BCAT2: variants seen among roughly 807,000 people sequenced by gnomAD.
BCAT2 encodes the protein branched-chain-amino-acid aminotransferase, mitochondrial.
In BCAT2, 44 loss-of-function variants were observed where a neutral mutation model predicts 52.9. The ratio of observed to expected loss-of-function variants is 0.83; its 90% confidence interval spans 0.65 to 1.07. The LOEUF (loss-of-function observed/expected upper bound fraction) is 1.07, where lower values mean the gene tolerates loss of function less well. BCAT2 is among the 50% of genes least tolerant of loss of function. The pLI is 0.00. For synonymous variants in BCAT2, 215 were observed against 217.1 expected (o/e 0.99, Z 0.08); for missense variants, 478 against 521.8 (o/e 0.92, Z 0.82).
chr19:48,797,608 T>G, intron 6 of BCAT2: 1 of 385,356 alleles, frequency 2.6e-6, no homozygotes. Flanking sequence ...TGGAGTGCAG[T>G]GGTGCGATCT....
chr19:48,805,625 T>C, intron 3 of BCAT2, among the ~76,000 whole-genome samples: 1 of 145,956 alleles, frequency 6.9e-6, no homozygotes, highest in Non-Finnish European at 1.5e-5. Context: ...CTTCCCGCCA[T>C]CTCCAACTGT....
chr19:48,797,897 A>G (rs1466076631), intron 6 of BCAT2, among the ~76,000 whole-genome samples: 2 of 149,904 alleles, frequency 1.3e-5, no homozygotes, highest in Non-Finnish European at 3.0e-5. Flanking sequence ...GCTCACTGCA[A>G]CCTCCGCCTC....
chr19:48,799,949 GC>G lies in BCAT2; in HGVS notation c.531+31del, dbSNP rs758664912. On this transcript the variant is annotated intron_variant, in intron 5 of 10. Coordinates refer to ENST00000316273, the MANE Select transcript of BCAT2 (RefSeq NM_001190.4). This position sits in a 1 kb window ranked among gnomAD's most constrained non-coding sequence, Gnocchi z 5.5. ...TGCCCTGCAGAATCCAACCCCCGCA[GC>G]CCAGCTTCCCAGCCCTGGAGTTGGG... 1.2e-5 allele frequency: 20 copies of G among 1,610,356 alleles called. No homozygotes were observed. The highest frequency in any genetic ancestry group is 1.7e-5 in the Non-Finnish European group (20 of 1,177,648).
At chr19:48,801,707 G>A (rs1301588287) in intron 3 of BCAT2, among the ~76,000 whole-genome samples, 4 of 151,872 alleles carry the variant, frequency 2.6e-5, no homozygotes, top group African/African-American at 9.7e-5. Context: ...CTCTATCTTG[G>A]CTCACTGCAA....
In BCAT2 at chr19:48,807,944, G is replaced by A. The variant is rs1290324079; in HGVS notation, c.25-870C>T. 2.0e-6 allele frequency: 2 copies of A among 985,774 alleles called. No homozygotes were observed. 61.1% of individuals were successfully genotyped at this position (985,774 alleles called of 1,614,324 possible). ...GGCTGGGCCCTCTCTGGTGACCTTT[G>A]ACCTCACAAGGCCTCTTTCCCCAGC... On this transcript the variant is annotated intron_variant, in intron 1 of 10. Transcript: ENST00000316273. This position sits in a 1 kb window ranked among gnomAD's most constrained non-coding sequence, Gnocchi z 4.6.
chr19:48,800,133 T>C (rs371301151), intron 4 of BCAT2, 33 bp from the exon 5 acceptor site: 1 of 1,612,600 alleles, frequency 6.2e-7, no homozygotes, highest in Non-Finnish European at 8.5e-7. Context: ...CAAGGGGCCC[T>C]TGCTGCCCCG....
intron 3 of BCAT2, 69 bp downstream of exon 3, chr19:48,806,448 T>C (rs2034781422): frequency 6.3e-7 from 1 of 1,574,938 alleles, no homozygotes; most frequent in Non-Finnish European, 8.7e-7. Context: ...GAGGTACACC[T>C]GGCAAGAGAC....
intron 1 of BCAT2, among the ~76,000 whole-genome samples, chr19:48,810,168 A>G (rs991643746): frequency 5.3e-5 from 8 of 152,224 alleles, no homozygotes; most frequent in African/African-American, 1.9e-4. Flanking sequence ...AAGAGCCGAA[A>G]AAAGTGAAAT....
At chr19:48,810,757 T>G in intron 1 of BCAT2, 20 of 539,518 alleles carry the variant, frequency 3.7e-5, no homozygotes, top group Non-Finnish European at 4.2e-5. Flanking sequence ...TTTTTTTACC[T>G]CCCCGCCAAT....
intron 1 of BCAT2, chr19:48,808,418 A>C: frequency 9.5e-6 from 3 of 314,534 alleles, no homozygotes; most frequent in Non-Finnish European, 1.4e-5. Flanking sequence ...AAAAAACAAA[A>C]ACAGAAATTG....
chr19:48,800,320 A>T (rs1201324815), intron 3 of BCAT2, 23 bp from the exon 4 acceptor site: 2 of 1,605,992 alleles, frequency 1.2e-6, no homozygotes, highest in Admixed American at 3.3e-5. Flanking sequence ...GCGGGTGGGG[A>T]GGCTCAGAGA....
rs111322841 is a variant in BCAT2 at position 48,799,612 on chromosome 19, G to A, written c.695+63C>T. On this transcript the variant is annotated intron_variant, in intron 6 of 10. Transcript: ENST00000316273. This position sits in a 1 kb window ranked among gnomAD's most constrained non-coding sequence, Gnocchi z 5.5. Reference sequence around the variant, plus strand: ...CAGAGGCATGGCCGAAAGCACGCACGCTGGTCCCTGTGTCTCCAACGCCCA... The same window carrying A: ...CAGAGGCATGGCCGAAAGCACGCACACTGGTCCCTGTGTCTCCAACGCCCA... 6.8e-6 allele frequency: 10 copies of A among 1,479,358 alleles called. No homozygotes were observed. Among genetic ancestry groups the A allele is most frequent in the Admixed American group, 2.7e-5 (1 of 36,754 alleles). 91.6% of individuals were successfully genotyped at this position (1,479,358 alleles called of 1,614,324 possible).
chr19:48,795,774 A>G, intron 10 of BCAT2: 1 of 428,446 alleles, frequency 2.3e-6, no homozygotes, highest in South Asian at 3.4e-5. Context: ...CCTGATGCAC[A>G]AAAGTTTACA....
intron 3 of BCAT2, among the ~76,000 whole-genome samples, chr19:48,805,107 C>A (rs1169328201): frequency 6.6e-6 from 1 of 152,152 alleles, no homozygotes; most frequent in Non-Finnish European, 1.5e-5. Context: ...AATCAGCCAA[C>A]CTGCTAACCA....
At chr19:48,800,846 G>C (rs2034642735) in intron 3 of BCAT2, among the ~76,000 whole-genome samples, 1 of 151,882 alleles carries the variant, frequency 6.6e-6, no homozygotes, top group Non-Finnish European at 1.5e-5. Context: ...TTCCAAGTTT[G>C]CTTGTTCAGC....
intron 3 of BCAT2, among the ~76,000 whole-genome samples, chr19:48,802,788 G>A (rs567067573): frequency 6.6e-6 from 1 of 152,226 alleles, no homozygotes; most frequent in South Asian, 2.1e-4. Context: ...TAATAGACTG[G>A]AAACAACCTA....
At chr19:48,805,404 T>C (rs2034745058) in intron 3 of BCAT2, among the ~76,000 whole-genome samples, 1 of 152,018 alleles carries the variant, frequency 6.6e-6, no homozygotes, top group Non-Finnish European at 1.5e-5. Flanking sequence ...TACCCAGACA[T>C]GGCCCTGCCC....
chr19:48,796,802 G>C (rs2034533286), intron 8 of BCAT2, 84 bp from the exon 9 acceptor site: 1 of 1,590,490 alleles, frequency 6.3e-7, no homozygotes, highest in African/African-American at 1.3e-5. Flanking sequence ...AGGATAGTGA[G>C]AAAGACAGAG....
intron 1 of BCAT2, chr19:48,808,141 T>C (rs1019144907): frequency 1.0e-6 from 1 of 986,728 alleles, no homozygotes; most frequent in African/African-American, 1.7e-5. Context: ...GTCTTGCTGG[T>C]GTGAGGCTCC....
Sources: allele counts gnomAD v4.1 joint callset (sites outside exome capture counted in the v4.1 genomes callset), GRCh38; gene constraint gnomAD v4.1.1; non-coding constraint Gnocchi (gnomAD v3.1); transcripts MANE v1.5; gene names NCBI Gene and HGNC (gene_info 2026-07-23, HGNC 2026-07-21).